The following EPHA5 variants were observed in gnomAD, a reference collection of about 807,000 sequenced individuals.
The protein encoded by EPHA5 is ephrin type-A receptor 5.
A neutral mutation model predicts 105.0 loss-of-function variants in EPHA5; 60 were observed. The observed-to-expected ratio is 0.57, with a 90% CI of 0.46 to 0.71. The LOEUF (loss-of-function observed/expected upper bound fraction) is 0.71. Among genes scored for constraint, EPHA5 ranks in the 30% least tolerant of loss-of-function variants. EPHA5 has a pLI of 0.00. For missense variants in EPHA5, 1,218 were observed against 1,274.7 expected, an observed-to-expected ratio of 0.96 and a Z score of 0.68; for synonymous variants, 513 against 449.1, an observed-to-expected ratio of 1.14 and a Z score of -1.80.
At chr4:65,622,626 T>C (rs1745801756) in intron 2 of EPHA5, among the ~76,000 whole-genome samples, 1 of 152,132 alleles carries the variant, frequency 6.6e-6, no homozygotes, top group South Asian at 2.1e-4. Flanking sequence ...TGCCAATTTT[T>C]GGTATTATAA....
At chr4:65,476,053 A>AT (rs928142342) in intron 5 of EPHA5, among the ~76,000 whole-genome samples, 5 of 149,636 alleles carry the variant, frequency 3.3e-5, no homozygotes, top group Middle Eastern at 3.4e-3. Context: ...TACAAATGTA[A>AT]TTTTTTTTCA....
Position 65,445,209 on chromosome 4 carries a change from G to C in EPHA5, c.1403-24644C>G, listed in dbSNP as rs867510465. On this transcript the variant is annotated intron_variant, in intron 5 of 16. Coordinates refer to ENST00000613740, the MANE Select transcript of EPHA5 (RefSeq NM_001281766.3). The stretch of plus-strand genomic sequence containing the variant: ...TTAAAAACCTTGAAATTTAGTGTTG[G>C]GGTTCATGATTTAAATTTGTTATAT... 7.2e-5 allele frequency among the ~76,000 whole-genome samples: 11 copies of C among 151,988 alleles called. No individual in the cohort carries two copies. In the South Asian group the frequency reaches 1.5e-3, roughly 20 times the overall value.
At chr4:65,469,825 T>C (rs186800987) in intron 5 of EPHA5, among the ~76,000 whole-genome samples, 38 of 152,330 alleles carry the variant, frequency 2.5e-4, no homozygotes, top group African/African-American at 8.2e-4. Context: ...AATTTTAAGA[T>C]GAATCTGGAT....
At chr4:65,463,882 T>C (rs185843949) in intron 5 of EPHA5, among the ~76,000 whole-genome samples, 138 of 152,208 alleles carry the variant, frequency 9.1e-4, no homozygotes, top group African/African-American at 3.2e-3. Flanking sequence ...GTCAAAACTC[T>C]AGTGTAGACC....
At chr4:65,540,928 T>C (rs1318402664) in intron 3 of EPHA5, among the ~76,000 whole-genome samples, 1 of 150,432 alleles carries the variant, frequency 6.6e-6, no homozygotes, top group Non-Finnish European at 1.5e-5. Flanking sequence ...AACTTCTGTT[T>C]AATAAAAAAA....
chr4:65,620,368 A>G (rs1745610510), intron 2 of EPHA5, among the ~76,000 whole-genome samples: 1 of 152,024 alleles, frequency 6.6e-6, no homozygotes, highest in Non-Finnish European at 1.5e-5. Flanking sequence ...CTATTTGATG[A>G]GTCTAACATC....
intron 2 of EPHA5, among the ~76,000 whole-genome samples, chr4:65,628,724 T>A (rs538075207): frequency 5.9e-5 from 9 of 152,312 alleles, no homozygotes; most frequent in African/African-American, 2.2e-4. Flanking sequence ...CATGGTTATG[T>A]CTTTAACTGT....
At chr4:65,611,267 G>A (rs1003301778) in intron 2 of EPHA5, among the ~76,000 whole-genome samples, 1 of 151,758 alleles carries the variant, frequency 6.6e-6, no homozygotes, top group Non-Finnish European at 1.5e-5. Context: ...AATATATTTC[G>A]GTATATTCTC....
intron 2 of EPHA5, among the ~76,000 whole-genome samples, chr4:65,642,036 C>T (rs1747717898): frequency 6.6e-6 from 1 of 151,912 alleles, no homozygotes; most frequent in South Asian, 2.1e-4. Flanking sequence ...TATGCTCTTC[C>T]AAGGCTCTAT....
At position 65,669,665 on chromosome 4, in the gene EPHA5, C is replaced by G. The variant is rs372157288; in HGVS notation, c.78G>C (p.Ala26=). The part of the protein sequence containing the change: ...SGGGDTPITP[A]SLAGCYSAPR... ...GTGCAGAGTAGCAGCCGGCCAGGGA[C>G]GCTGGGGTGATGGGGGTGTCGCCGC... is the stretch of plus-strand genomic sequence containing the variant. The change falls in exon 1 of 17, where the codon GCG becomes GCC. Residue 26 remains alanine, a synonymous_variant. Transcript: ENST00000613740. 6.6e-5 allele frequency: 89 copies of G among 1,358,434 alleles called. No homozygotes were observed. The highest frequency in any genetic ancestry group is 9.3e-5 in the Admixed American group (3 of 32,174). 84.1% of individuals were successfully genotyped at this position (1,358,434 alleles called of 1,614,324 possible).
chr4:65,454,660 G>C (rs934831270), intron 5 of EPHA5, among the ~76,000 whole-genome samples: 14 of 152,106 alleles, frequency 9.2e-5, no homozygotes, highest in Non-Finnish European at 1.5e-4. Flanking sequence ...ATTTCAAAGT[G>C]GATGAAACCA....
intron 14 of EPHA5, among the ~76,000 whole-genome samples, chr4:65,341,561 AT>A (rs1480614517): frequency 1.3e-5 from 2 of 149,956 alleles, no homozygotes; most frequent in Non-Finnish European, 3.0e-5. Flanking sequence ...ATAAATAGAT[AT>A]TTACATATTA....
intron 11 of EPHA5, among the ~76,000 whole-genome samples, chr4:65,359,578 A>T (rs1717069808): frequency 1.3e-5 from 2 of 151,490 alleles, no homozygotes; most frequent in Non-Finnish European, 3.0e-5. Context: ...ACTCAAGACA[A>T]ATAATTTATA....
intron 8 of EPHA5, among the ~76,000 whole-genome samples, chr4:65,396,852 C>A (rs62312558): frequency 0.094 from 14,265 of 152,182 alleles, 891 homozygotes; most frequent in Middle Eastern, 0.23. Flanking sequence ...GCCATGGCAC[C>A]AGATAGTACT....
chr4:65,377,775 A>G (rs113808971), intron 8 of EPHA5, among the ~76,000 whole-genome samples: 1,881 of 152,128 alleles, frequency 0.012, 51 homozygotes, highest in African/African-American at 0.042. Flanking sequence ...CAGGAAATAC[A>G]AAGTAAACTA....
At chr4:65,624,032 T>C (rs1399622184) in intron 2 of EPHA5, among the ~76,000 whole-genome samples, 2 of 151,998 alleles carry the variant, frequency 1.3e-5, no homozygotes, top group African/African-American at 2.4e-5. Flanking sequence ...CAGAAACAAA[T>C]GAATAATGGA....
chr4:65,569,582 A>AT (rs1739908033), intron 3 of EPHA5, among the ~76,000 whole-genome samples: 1 of 151,734 alleles, frequency 6.6e-6, no homozygotes, highest in Non-Finnish European at 1.5e-5. Context: ...AAAGAAGATG[A>AT]TTTTGCTTAT....
intron 3 of EPHA5, among the ~76,000 whole-genome samples, chr4:65,579,358 G>GTATATA (rs71657189): frequency 0.067 from 9,601 of 142,672 alleles, 452 homozygotes; most frequent in East Asian, 0.19. Context: ...ATGTATGTGT[G>GTATATA]TATATATATA....
intron 2 of EPHA5, among the ~76,000 whole-genome samples, chr4:65,604,649 A>G (rs1343622820): frequency 1.3e-5 from 2 of 152,140 alleles, no homozygotes; most frequent in Admixed American, 1.3e-4. Context: ...TCTGAAATAA[A>G]ACTTTGAATT....
Sources: gnomAD v4.1 joint callset for allele counts (sites outside exome capture counted in the v4.1 genomes callset) on GRCh38, gnomAD v4.1.1 for gene constraint, MANE v1.5 for transcripts, NCBI Gene and HGNC (gene_info 2026-07-23, HGNC 2026-07-21) for gene names.